The following DNER variants were observed in gnomAD, a reference collection of about 807,000 sequenced individuals.
DNER encodes the protein delta/notch like EGF repeat containing.
In DNER, 33 loss-of-function variants were observed where a neutral mutation model predicts 78.2. The observed-to-expected ratio is 0.42, with a 90% confidence interval of 0.32 to 0.56. The LOEUF is 0.56. Among genes scored for constraint, DNER ranks in the 20% least tolerant of loss-of-function variants. The probability of loss-of-function intolerance (pLI) is 0.11; values close to 1 mark genes in which losing one functional copy is unlikely to be tolerated. For missense variants in DNER, 918 were observed against 975.3 expected, an observed-to-expected ratio of 0.94 and a Z score of 0.78; for synonymous variants, 417 against 384.8, an observed-to-expected ratio of 1.08 and a Z score of -0.98.
At chr2:229,444,692 C>T (rs1466764121) in intron 8 of DNER, among the ~76,000 whole-genome samples, 6 of 152,066 alleles carry the variant, frequency 3.9e-5, no homozygotes, top group East Asian at 1.9e-4. Context: ...AGTTCAAGAC[C>T]GGCCTGGACA....
At chr2:229,574,610 G>A (rs1386294160) in intron 4 of DNER, among the ~76,000 whole-genome samples, 2 of 152,060 alleles carry the variant, frequency 1.3e-5, no homozygotes, top group African/African-American at 4.8e-5. Flanking sequence ...GTAGAGGGGC[G>A]GGTTATAGGA....
chr2:229,461,743 A>G (rs1694707748), intron 7 of DNER, among the ~76,000 whole-genome samples: 1 of 152,076 alleles, frequency 6.6e-6, no homozygotes, highest in Admixed American at 6.5e-5. Flanking sequence ...AAAATGAAAA[A>G]CTATTTGGTG....
intron 11 of DNER, among the ~76,000 whole-genome samples, chr2:229,371,297 A>G (rs1328433575): frequency 6.6e-6 from 1 of 152,220 alleles, no homozygotes; most frequent in African/African-American, 2.4e-5. Context: ...TGCTATCCTC[A>G]TAAGTCATTG....
At chr2:229,358,771 A>T in intron 12 of DNER, 120 bp from the exon 13 acceptor site, 1 of 787,812 alleles carries the variant, frequency 1.3e-6, no homozygotes. Flanking sequence ...CATATTCTAT[A>T]GCAAGCATAG....
At chr2:229,619,658 T>C (rs1698220984) in intron 1 of DNER, among the ~76,000 whole-genome samples, 1 of 152,184 alleles carries the variant, frequency 6.6e-6, no homozygotes, top group Non-Finnish European at 1.5e-5. Context: ...TATAGTGTAC[T>C]GAGGGACCAT....
intron 10 of DNER, among the ~76,000 whole-genome samples, chr2:229,396,038 C>T (rs757488429): frequency 1.3e-5 from 2 of 152,126 alleles, no homozygotes; most frequent in South Asian, 2.1e-4. Flanking sequence ...AAATTTCCTA[C>T]CTTGTTTCAC....
chr2:229,671,916 A>G (rs748923554), intron 1 of DNER, among the ~76,000 whole-genome samples: 1 of 152,230 alleles, frequency 6.6e-6, no homozygotes, highest in South Asian at 2.1e-4. Context: ...TGTTCAAACA[A>G]TATTAGCTGT....
chr2:229,668,480 G>C (rs1442354798), intron 1 of DNER, among the ~76,000 whole-genome samples: 2 of 109,486 alleles, frequency 1.8e-5, no homozygotes, highest in Non-Finnish European at 3.7e-5. Context: ...ATATATATAG[G>C]TAAGTATATA....
chr2:229,502,780 A>T (rs929184176), intron 6 of DNER, among the ~76,000 whole-genome samples: 1 of 152,232 alleles, frequency 6.6e-6, no homozygotes, highest in Non-Finnish European at 1.5e-5. Flanking sequence ...GAAATAGGAC[A>T]GGTAACTGAA....
Position 229,547,071 on chromosome 2 carries a change from G to A in DNER, c.869C>T (p.Thr290Ile). 6.2e-7 allele frequency: 1 copy of A among 1,614,086 alleles called. No individual in the cohort carries two copies. The highest frequency in any genetic ancestry group is 8.5e-7 in the Non-Finnish European group (1 of 1,179,992). Residue 290 changes from threonine to isoleucine, a missense_variant, in exon 5 of 13, where the codon ACT becomes ATT. By Grantham distance (89) the Thr-to-Ile change is moderately conservative. Transcript: ENST00000341772. Reference sequence around the variant, plus strand: ...TAAGCGCAAAGCCACAATAGACTTAGTCACAGAATCATTCACAAAACCTAA... The same window carrying A: ...TAAGCGCAAAGCCACAATAGACTTAATCACAGAATCATTCACAAAACCTAA... ...HFIGFVNDSVTKSIVALRLTL... is the reference protein window; with the variant it reads ...HFIGFVNDSVIKSIVALRLTL...
Position 229,578,858 on chromosome 2 carries a change from C to T in DNER, c.847+7000G>A, listed in dbSNP as rs115217113. ...TTACTAAGGAATTCCAAAGGACTAC[C>T]CAGAAATTCACATCGAAGACTAGAA... On this transcript the variant is annotated intron_variant, in intron 4 of 12. Coordinates refer to ENST00000341772, the MANE Select transcript of DNER (RefSeq NM_139072.4). 8.2e-3 allele frequency among the ~76,000 whole-genome samples: 1,251 copies of T among 152,196 alleles called. 11 individuals are homozygous for T. The highest frequency in any genetic ancestry group is 0.029 in the African/African-American group (1,196 of 41,514).
At chr2:229,699,553 T>C (rs538669005) in intron 1 of DNER, among the ~76,000 whole-genome samples, 17 of 152,210 alleles carry the variant, frequency 1.1e-4, no homozygotes, top group African/African-American at 3.6e-4. Context: ...TTAGTAGAGA[T>C]AGGGTTTTGC....
At chr2:229,606,046 T>TA (rs1697930645) in intron 1 of DNER, among the ~76,000 whole-genome samples, 6 of 152,078 alleles carry the variant, frequency 3.9e-5, no homozygotes, top group Admixed American at 3.9e-4. Context: ...TAGATAAAAT[T>TA]AAAAATGCTT....
At chr2:229,634,790 C>A (rs562034349) in intron 1 of DNER, among the ~76,000 whole-genome samples, 1 of 152,148 alleles carries the variant, frequency 6.6e-6, no homozygotes, top group Non-Finnish European at 1.5e-5. Context: ...CCTCTGCGAG[C>A]GGGAAGGAGG....
At chr2:229,638,526 C>A (rs1431164570) in intron 1 of DNER, among the ~76,000 whole-genome samples, 2 of 152,150 alleles carry the variant, frequency 1.3e-5, no homozygotes, top group Non-Finnish European at 1.5e-5. Flanking sequence ...GCTTGGTGCA[C>A]AAATCTCCTT....
At chr2:229,647,865 G>C (rs1698746298) in intron 1 of DNER, among the ~76,000 whole-genome samples, 1 of 152,180 alleles carries the variant, frequency 6.6e-6, no homozygotes, top group Non-Finnish European at 1.5e-5. Flanking sequence ...GCATATACAT[G>C]TGAATAATAT....
chr2:229,625,636 G>T (rs189444409), intron 1 of DNER, among the ~76,000 whole-genome samples: 30 of 152,306 alleles, frequency 2.0e-4, no homozygotes, highest in African/African-American at 7.2e-4. Flanking sequence ...TATATAAGTT[G>T]GGCACATTAT....
At chr2:229,709,215 A>G (rs1699873902) in intron 1 of DNER, among the ~76,000 whole-genome samples, 1 of 152,184 alleles carries the variant, frequency 6.6e-6, no homozygotes, top group Non-Finnish European at 1.5e-5. Context: ...AAATGTTTTA[A>G]ACTTCATTCT....
chr2:229,609,865 T>C (rs1698011968), intron 1 of DNER, among the ~76,000 whole-genome samples: 1 of 152,220 alleles, frequency 6.6e-6, no homozygotes, highest in Non-Finnish European at 1.5e-5. Context: ...AGGAGTAATG[T>C]CTGGATTGTA....
Sources: gnomAD v4.1 joint callset for allele counts (sites outside exome capture counted in the v4.1 genomes callset) on GRCh38, gnomAD v4.1.1 for gene constraint, MANE v1.5 for transcripts, NCBI Gene and HGNC (gene_info 2026-07-23, HGNC 2026-07-21) for gene names.